The following ANKRD55 variants were observed in gnomAD, a reference collection of about 807,000 sequenced individuals.
ANKRD55 encodes ankyrin repeat domain 55, also known as ankyrin repeat domain-containing protein 55.
A neutral mutation model predicts 60.6 loss-of-function variants in ANKRD55; 41 were observed. The ratio of observed to expected loss-of-function variants is 0.68; its 90% CI spans 0.53 to 0.88. The LOEUF is 0.88. Among genes scored for constraint, ANKRD55 ranks in the 40% least tolerant of loss-of-function variants. The pLI is 0.00. For synonymous variants in ANKRD55, 264 were observed against 290.3 expected (o/e 0.91, Z 0.92); for missense variants, 732 against 767.6 (o/e 0.95, Z 0.55).
At chr5:56,161,859 C>A (rs1358986890) in intron 5 of ANKRD55, 13 of 470,718 alleles carry the variant, frequency 2.8e-5, no homozygotes, top group Non-Finnish European at 2.8e-5. Flanking sequence ...CTAGATGTAG[C>A]CTTTGGTAGG....
chr5:56,219,481 A>G (rs1759910511), intron 2 of ANKRD55, among the ~76,000 whole-genome samples: 1 of 152,196 alleles, frequency 6.6e-6, no homozygotes, highest in South Asian at 2.1e-4. Flanking sequence ...AGGTTTCACA[A>G]AGAGAAAACA....
intron 2 of ANKRD55, among the ~76,000 whole-genome samples, chr5:56,185,496 G>A (rs1581008477): frequency 6.6e-6 from 1 of 151,804 alleles, no homozygotes; most frequent in South Asian, 2.1e-4. Flanking sequence ...GAGAAACTCC[G>A]TCTCTACTAA....
intron 4 of ANKRD55, among the ~76,000 whole-genome samples, chr5:56,174,400 C>G (rs1758691502): frequency 1.3e-5 from 2 of 152,272 alleles, no homozygotes; most frequent in Admixed American, 6.5e-5. Context: ...TCCTCTACCC[C>G]CTTATCCCAG....
chr5:56,139,351 C>T (rs1757693918), intron 7 of ANKRD55, among the ~76,000 whole-genome samples: 1 of 152,138 alleles, frequency 6.6e-6, no homozygotes, highest in Non-Finnish European at 1.5e-5. Context: ...AGGCACGTTG[C>T]CCTTAGGTCC....
At chr5:56,127,386 ACAGGTGCAATG>A (rs3214752) in intron 7 of ANKRD55, 247,893 of 984,604 alleles carry the variant, frequency 0.25, 31,887 homozygotes, top group Non-Finnish European at 0.26. Context: ...GAAATTAAAT[ACAGGTGCAATG>A]GACTGACGTC....
intron 5 of ANKRD55, among the ~76,000 whole-genome samples, chr5:56,164,563 GA>G (rs973411342): frequency 3.9e-5 from 6 of 152,238 alleles, no homozygotes; most frequent in African/African-American, 1.4e-4. Context: ...TGGAGACCAT[GA>G]AAAAGACCTT....
At chr5:56,163,959 G>A (rs896462308) in intron 5 of ANKRD55, among the ~76,000 whole-genome samples, 2 of 152,096 alleles carry the variant, frequency 1.3e-5, no homozygotes, top group African/African-American at 4.8e-5. Flanking sequence ...AGGCATGATG[G>A]TGGGCACCTG....
chr5:56,229,092 TG>T (rs1481825039), intron 2 of ANKRD55, among the ~76,000 whole-genome samples: 1 of 124,926 alleles, frequency 8.0e-6, no homozygotes, highest in African/African-American at 3.3e-5. Flanking sequence ...ACCCCTCGCC[TG>T]TTTTTTTTTT....
rs765180400 is a variant in ANKRD55 at position 56,111,485 on chromosome 5, C to A, written c.1263G>T (p.Lys421Asn). 4 of 1,614,154 alleles carry A rather than the reference C, an allele frequency of 2.5e-6. No individual in the cohort carries two copies. The highest frequency in any genetic ancestry group is 3.4e-6 in the Non-Finnish European group (4 of 1,180,020). Residue 421 changes from lysine (K) to asparagine (N), a missense_variant, in exon 10 of 12, where the codon AAG becomes AAT. Physicochemically the swap from Lys to Asn is moderately conservative, Grantham distance 94. Coordinates refer to ENST00000341048, the MANE Select transcript of ANKRD55 (RefSeq NM_024669.3). Reference protein sequence around the residue: ...SDNSKYLLPEKKPLARKGLPP... With the variant: ...SDNSKYLLPENKPLARKGLPP... ...GAAGCCCCTTACGGGCCAGCGGTTT[C>A]TTTTCTGGTAAGAGATATTTTGAAT...
At chr5:56,148,507 A>G (rs1757955040) in intron 6 of ANKRD55, among the ~76,000 whole-genome samples, 1 of 152,214 alleles carries the variant, frequency 6.6e-6, no homozygotes, top group South Asian at 2.1e-4. Context: ...TAGATTGCTG[A>G]TAAGACAAAA....
rs1757276376 is a variant in ANKRD55, at chr5:56,126,901, CT to C, written c.797+20del. The C allele has an allele frequency of 1.3e-6, 2 of 1,583,326 alleles. No homozygotes were observed. The highest frequency in any genetic ancestry group is 1.7e-6 in the Non-Finnish European group (2 of 1,163,220). On this transcript the variant is annotated intron_variant, in intron 8 of 11. Transcript: ENST00000341048. Reference sequence around the variant, plus strand: ...GGGGGAAATGACTAGTTTCCCAGCACTTTCTGGTTACCATGGATACCTGTCA... The same window carrying C: ...GGGGGAAATGACTAGTTTCCCAGCACTTCTGGTTACCATGGATACCTGTCA...
chr5:56,117,045 C>T (rs1217894366), intron 8 of ANKRD55: 12 of 343,444 alleles, frequency 3.5e-5, no homozygotes, highest in Non-Finnish European at 6.3e-5. Flanking sequence ...AGTAGTGGGT[C>T]AAAGGGTATG....
intron 2 of ANKRD55, among the ~76,000 whole-genome samples, 200 bp from the exon 3 acceptor site, chr5:56,183,834 C>T (rs975537916): frequency 2.6e-5 from 4 of 152,130 alleles, no homozygotes; most frequent in East Asian, 1.9e-4. Context: ...GTAACACCGC[C>T]GTGTATTGGA....
chr5:56,198,301 T>TC (rs1232143684), intron 2 of ANKRD55, among the ~76,000 whole-genome samples: 1 of 151,804 alleles, frequency 6.6e-6, no homozygotes, highest in African/African-American at 2.4e-5. Context: ...TTATTACTGT[T>TC]TTTTTTTCTT....
At chr5:56,200,837 T>G (rs1309406036) in intron 2 of ANKRD55, among the ~76,000 whole-genome samples, 1 of 152,168 alleles carries the variant, frequency 6.6e-6, no homozygotes, top group Non-Finnish European at 1.5e-5. Context: ...GATTCTTGGG[T>G]GACTAAACAC....
intron 8 of ANKRD55, among the ~76,000 whole-genome samples, chr5:56,123,924 C>A (rs1279145310): frequency 6.6e-6 from 1 of 152,120 alleles, no homozygotes; most frequent in Non-Finnish European, 1.5e-5. Context: ...GCTGTCACAG[C>A]AGGGGGCTAA....
At chr5:56,157,420 G>C (rs905022092) in intron 6 of ANKRD55, among the ~76,000 whole-genome samples, 1 of 151,948 alleles carries the variant, frequency 6.6e-6, no homozygotes, top group Non-Finnish European at 1.5e-5. Flanking sequence ...CACATGTAAA[G>C]GGTCTGTGCT....
chr5:56,147,868 G>A (rs1757937624), intron 6 of ANKRD55, among the ~76,000 whole-genome samples: 1 of 152,174 alleles, frequency 6.6e-6, no homozygotes, highest in Admixed American at 6.5e-5. Flanking sequence ...TCCTACAACT[G>A]CTTCCTTCTC....
intron 10 of ANKRD55, among the ~76,000 whole-genome samples, chr5:56,106,373 T>C (rs1400879890): frequency 6.7e-6 from 1 of 149,422 alleles, no homozygotes; most frequent in Non-Finnish European, 1.5e-5. Context: ...TCAAAACAAT[T>C]ATTGTTAAAA....
Sources: gnomAD v4.1 joint callset for allele counts (sites outside exome capture counted in the v4.1 genomes callset) on GRCh38, gnomAD v4.1.1 for gene constraint, MANE v1.5 for transcripts, NCBI Gene and HGNC (gene_info 2026-07-23, HGNC 2026-07-21) for gene names.